SLC5A4: variants seen among roughly 807,000 people sequenced by gnomAD.
The protein encoded by SLC5A4 is probable glucose sensor protein SLC5A4.
A neutral mutation model predicts 70.3 loss-of-function variants in SLC5A4; 55 were observed. The ratio of observed to expected loss-of-function variants is 0.78; its 90% confidence interval spans 0.63 to 0.98. The LOEUF (loss-of-function observed/expected upper bound fraction) is 0.98. SLC5A4 is among the 50% of genes least tolerant of loss of function. The pLI, the probability that SLC5A4 is intolerant of heterozygous loss-of-function variation, is 0.00. For synonymous variants in SLC5A4, 268 were observed against 305.7 expected, an observed-to-expected ratio of 0.88 and a Z score of 1.29; for missense variants, 735 against 839.2, an observed-to-expected ratio of 0.88 and a Z score of 1.53.
the SLC5A4 span, among the ~76,000 whole-genome samples, chr22:32,299,845 C>G: frequency 7.9e-6 from 1 of 126,128 alleles, no homozygotes; most frequent in African/African-American, 2.9e-5. Flanking sequence ...TGTGGATGTC[C>G]TTTCTGTTTG....
chr22:32,326,986 CTGA>C, the SLC5A4 span, among the ~76,000 whole-genome samples: 16 of 152,232 alleles, frequency 1.1e-4, no homozygotes, highest in Admixed American at 1.3e-4. Context: ...CCCCGTGCTG[CTGA>C]TAACTTGACA....
rs1183520601 is a variant in SLC5A4 at position 32,255,288 on chromosome 22, T to C, written c.42A>G (p.Pro14=). 6.2e-7 allele frequency: 1 copy of C among 1,614,064 alleles called. No individual in the cohort carries two copies. Among genetic ancestry groups the C allele is most frequent in the African/African-American group, 1.3e-5 (1 of 74,918 alleles). ...TVSPSTIAET[P]EPPPLSDHIR... ...TGTGGTCAGACAATGGAGGTGGCTC[T>C]GGGGTCTCAGCTATGGTGCTGGGGC... The change falls in exon 1 of 15, where the codon CCA becomes CCG. Residue 14 remains proline (P), a synonymous_variant. Transcript: ENST00000266086.
At chr22:32,306,958 C>T in the SLC5A4 span, among the ~76,000 whole-genome samples, 5 of 152,120 alleles carry the variant, frequency 3.3e-5, no homozygotes, top group African/African-American at 1.2e-4. Context: ...CCAGGGTGGC[C>T]ATGTCATCCA....
At chr22:32,334,259 T>TCTC in the SLC5A4 span, among the ~76,000 whole-genome samples, 1 of 151,890 alleles carries the variant, frequency 6.6e-6, no homozygotes, top group Non-Finnish European at 1.5e-5. Flanking sequence ...CCTCTCCACC[T>TCTC]CTCCCCTGGT....
At chr22:32,244,074 T>C (rs141767146) in intron 5 of SLC5A4, among the ~76,000 whole-genome samples, 1 of 152,212 alleles carries the variant, frequency 6.6e-6, no homozygotes, top group Admixed American at 6.5e-5. Context: ...AAATCTGACA[T>C]TTTATCATCC....
the SLC5A4 span, among the ~76,000 whole-genome samples, chr22:32,336,038 A>G: frequency 8.5e-5 from 13 of 152,218 alleles, no homozygotes; most frequent in African/African-American, 3.1e-4. Flanking sequence ...TGGGTGAAAT[A>G]AAGTAGAATC....
chr22:32,232,304 G>A (rs1925803872), intron 9 of SLC5A4, among the ~76,000 whole-genome samples: 1 of 152,138 alleles, frequency 6.6e-6, no homozygotes, highest in Non-Finnish European at 1.5e-5. Context: ...TTGTCTGAGG[G>A]ATTACCCCAA....
chr22:32,281,685 TC>T, the SLC5A4 span, among the ~76,000 whole-genome samples: 2 of 152,072 alleles, frequency 1.3e-5, no homozygotes, highest in Non-Finnish European at 2.9e-5. Context: ...AACAGGGGTC[TC>T]ATTATGTTGC....
At chr22:32,319,612 G>A in the SLC5A4 span, among the ~76,000 whole-genome samples, 1 of 152,114 alleles carries the variant, frequency 6.6e-6, no homozygotes, top group Non-Finnish European at 1.5e-5. Flanking sequence ...TATGCGATTG[G>A]TTCTGTTCCT....
At chr22:32,224,574 A>G in intron 12 of SLC5A4, 92 bp from the exon 13 acceptor site, 3 of 1,044,700 alleles carry the variant, frequency 2.9e-6, no homozygotes, top group East Asian at 2.5e-5. Flanking sequence ...CTGCTTTCTC[A>G]GTTAAGGACC....
chr22:32,259,886 G>A (rs4447695), upstream of SLC5A4, among the ~76,000 whole-genome samples: 1 of 152,212 alleles, frequency 6.6e-6, no homozygotes, highest in Non-Finnish European at 1.5e-5. Context: ...GTATTCACAG[G>A]AGTAGGTAAA....
At chr22:32,270,129 G>A in the SLC5A4 span, 216 of 571,728 alleles carry the variant, frequency 3.8e-4, no homozygotes, top group African/African-American at 3.8e-3. Context: ...GTCACAGGAC[G>A]ACATGGACGA....
chr22:32,318,828 A>C, the SLC5A4 span, among the ~76,000 whole-genome samples: 1 of 152,008 alleles, frequency 6.6e-6, no homozygotes, highest in African/African-American at 2.4e-5. Context: ...TCCCTGTCCT[A>C]TTCCTCACTC....
the SLC5A4 span, among the ~76,000 whole-genome samples, chr22:32,279,083 T>C: frequency 2.6e-5 from 4 of 151,986 alleles, no homozygotes; most frequent in Non-Finnish European, 5.9e-5. Context: ...GAGACCATCC[T>C]GGCTAACACG....
the SLC5A4 span, among the ~76,000 whole-genome samples, chr22:32,313,741 T>C: frequency 6.6e-6 from 1 of 152,180 alleles, no homozygotes; most frequent in African/African-American, 2.4e-5. Context: ...CCAGACTCCC[T>C]TGCAAGCAGG....
At chr22:32,352,407 TAA>T in the SLC5A4 span, among the ~76,000 whole-genome samples, 7 of 138,154 alleles carry the variant, frequency 5.1e-5, no homozygotes, top group African/African-American at 1.3e-4. Flanking sequence ...CCCCAGAAAT[TAA>T]AAAAAAAAAA....
chr22:32,304,454 T>C, the SLC5A4 span, among the ~76,000 whole-genome samples: 4 of 132,548 alleles, frequency 3.0e-5, no homozygotes, highest in African/African-American at 1.1e-4. Context: ...TTTTTTCTTT[T>C]TCTTTTTTGA....
chr22:32,328,117 C>A, the SLC5A4 span, among the ~76,000 whole-genome samples: 1 of 150,864 alleles, frequency 6.6e-6, no homozygotes, highest in Admixed American at 6.6e-5. Context: ...CACCAGAGCC[C>A]CCAAAACACA....
chr22:32,330,181 G>A, the SLC5A4 span, among the ~76,000 whole-genome samples: 7 of 114,374 alleles, frequency 6.1e-5, no homozygotes, highest in African/African-American at 2.4e-4. Context: ...TGTGTTGGAG[G>A]GCTTTGGTAT....
Sources: gnomAD v4.1 joint callset for allele counts (sites outside exome capture counted in the v4.1 genomes callset) on GRCh38, gnomAD v4.1.1 for gene constraint, MANE v1.5 for transcripts, NCBI Gene and HGNC (gene_info 2026-07-23, HGNC 2026-07-21) for gene names.